EYS: variants seen among roughly 807,000 people sequenced by gnomAD.
The protein encoded by EYS is protein eyes shut homolog.
Under a neutral mutation model 282.1 loss-of-function variants are expected in EYS, and 250 were observed. That is an observed-to-expected ratio of 0.89 (90% CI 0.80 to 0.98). EYS has a LOEUF of 0.98. Ranked by LOEUF, EYS falls within the 50% of genes least tolerant of loss-of-function variation. The probability of loss-of-function intolerance (pLI) is 0.00; values close to 1 mark genes in which losing one functional copy is unlikely to be tolerated. For synonymous variants in EYS, 1,355 were observed against 1,282.9 expected (o/e 1.06, Z -1.20); for missense variants, 4,016 against 3,709.0 (o/e 1.08, Z -2.15).
chr6:64,467,120 A>C (rs897172957), intron 26 of EYS, among the ~76,000 whole-genome samples: 2 of 152,222 alleles, frequency 1.3e-5, no homozygotes, highest in Admixed American at 6.5e-5. Flanking sequence ...CTCAAAAGAG[A>C]AAATGCAAAC....
chr6:64,599,346 G>C (rs904156808), intron 24 of EYS, among the ~76,000 whole-genome samples: 2 of 152,132 alleles, frequency 1.3e-5, no homozygotes, highest in African/African-American at 4.8e-5. Context: ...AATATACTGA[G>C]TAAAGTTTGT....
At chr6:65,630,324 A>G (rs1766866493) in intron 2 of EYS, among the ~76,000 whole-genome samples, 1 of 152,206 alleles carries the variant, frequency 6.6e-6, no homozygotes, top group South Asian at 2.1e-4. Context: ...TTTTAGTTAG[A>G]TACTAAGATT....
chr6:63,965,207 G>A (rs951581019), intron 35 of EYS, among the ~76,000 whole-genome samples: 1 of 152,112 alleles, frequency 6.6e-6, no homozygotes, highest in Non-Finnish European at 1.5e-5. Flanking sequence ...TTCTTACTTT[G>A]TGTAAGATCG....
intron 11 of EYS, among the ~76,000 whole-genome samples, chr6:65,317,924 G>A (rs1249034719): frequency 1.4e-5 from 2 of 146,960 alleles, no homozygotes; most frequent in Non-Finnish European, 3.0e-5. Flanking sequence ...CTGGAGGGCA[G>A]TGGTGCGATC....
chr6:63,872,476 G>GT (rs1201452588), intron 35 of EYS, among the ~76,000 whole-genome samples: 3 of 43,802 alleles, frequency 6.8e-5, no homozygotes, highest in Non-Finnish European at 7.7e-5. Flanking sequence ...ACCTAAATAT[G>GT]GTTTTTTTTT....
chr6:64,299,149 A>T (rs1163613312), intron 30 of EYS, among the ~76,000 whole-genome samples: 1 of 152,240 alleles, frequency 6.6e-6, no homozygotes, highest in Non-Finnish European at 1.5e-5. Context: ...TAAAGTAGGT[A>T]CAAAGGAATG....
intron 29 of EYS, among the ~76,000 whole-genome samples, chr6:64,341,563 T>A (rs567762120): frequency 6.6e-6 from 1 of 151,534 alleles, no homozygotes; most frequent in South Asian, 2.1e-4. Flanking sequence ...ATGAGAGGAG[T>A]ACATGGGTGG....
At position 65,439,771 on chromosome 6, in the gene EYS, C is replaced by G. The variant is rs766041688; in HGVS notation, c.863-34404G>C. On this transcript the variant is annotated intron_variant, in intron 5 of 42. Transcript: ENST00000503581. ...GCTCTTATGTGTGTCCTCACAATTT[C>G]AACCCCAATCATGCCCAGTTCTCAT... Among the ~76,000 whole-genome samples, 7 of 152,034 alleles carry G rather than the reference C, an allele frequency of 4.6e-5. 1 individual carries two copies. Among genetic ancestry groups the G allele is most frequent in the Non-Finnish European group, 8.8e-5 (6 of 67,964 alleles).
At chr6:64,531,475 C>G (rs1251383744) in intron 26 of EYS, among the ~76,000 whole-genome samples, 4 of 151,348 alleles carry the variant, frequency 2.6e-5, no homozygotes, top group East Asian at 1.9e-4. Context: ...CAAGCTCCGC[C>G]TCCCGGATTC....
At chr6:63,995,651 C>G (rs1167747139) in intron 34 of EYS, among the ~76,000 whole-genome samples, 1 of 151,850 alleles carries the variant, frequency 6.6e-6, no homozygotes, top group African/African-American at 2.4e-5. Flanking sequence ...TCACATCATT[C>G]AAAAGATAGA....
At chr6:65,694,239 CAA>C (rs1331507570) in intron 1 of EYS, among the ~76,000 whole-genome samples, 2 of 149,014 alleles carry the variant, frequency 1.3e-5, no homozygotes, top group Non-Finnish European at 3.0e-5. Context: ...GGCTGGGCAA[CAA>C]GAGCAAAACT....
intron 31 of EYS, among the ~76,000 whole-genome samples, chr6:64,124,664 A>C (rs1266409694): frequency 1.3e-5 from 2 of 152,162 alleles, no homozygotes; most frequent in African/African-American, 4.8e-5. Context: ...CATGGCCAAA[A>C]ATTTTCGTGT....
intron 2 of EYS, among the ~76,000 whole-genome samples, chr6:65,613,014 A>T (rs2149796105): frequency 6.6e-6 from 1 of 151,920 alleles, no homozygotes. Flanking sequence ...CTTAAAACTT[A>T]AATTAACTTT....
intron 33 of EYS, among the ~76,000 whole-genome samples, chr6:64,029,543 C>A (rs1050050210): frequency 6.6e-6 from 1 of 152,184 alleles, no homozygotes; most frequent in African/African-American, 2.4e-5. Flanking sequence ...TCAACCCTGA[C>A]ACTTTTCTCC....
intron 8 of EYS, among the ~76,000 whole-genome samples, chr6:65,374,910 T>A (rs1175047972): frequency 2.0e-5 from 3 of 152,110 alleles, no homozygotes; most frequent in Admixed American, 6.5e-5. Context: ...AACTCCCACC[T>A]CCCTAGGACA....
At chr6:64,630,537 T>C (rs1325122927) in intron 22 of EYS, among the ~76,000 whole-genome samples, 1 of 152,352 alleles carries the variant, frequency 6.6e-6, no homozygotes, top group East Asian at 1.9e-4. Flanking sequence ...ATACATGATA[T>C]GATAATGATT....
At chr6:64,102,595 TC>T (rs1772867964) in intron 31 of EYS, among the ~76,000 whole-genome samples, 1 of 152,172 alleles carries the variant, frequency 6.6e-6, no homozygotes, top group South Asian at 2.1e-4. Flanking sequence ...TTTTTCAAAA[TC>T]TAATTACTAC....
intron 37 of EYS, 83 bp from the exon 38 acceptor site, chr6:63,789,307 A>C: frequency 7.5e-7 from 1 of 1,335,288 alleles, no homozygotes; most frequent in Non-Finnish European, 1.0e-6. Context: ...ACTGGTTCTG[A>C]ATTACAGATC....
intron 10 of EYS, 120 bp downstream of exon 10, chr6:65,343,918 T>C (rs1217558042): frequency 9.3e-6 from 8 of 857,870 alleles, no homozygotes; most frequent in Non-Finnish European, 1.5e-5. Context: ...ATTTAAACTA[T>C]GCAAACTATA....
Sources: gnomAD v4.1 joint callset for allele counts (sites outside exome capture counted in the v4.1 genomes callset) on GRCh38, gnomAD v4.1.1 for gene constraint, MANE v1.5 for transcripts, NCBI Gene and HGNC (gene_info 2026-07-23, HGNC 2026-07-21) for gene names.